The following RARB variants were observed in gnomAD, a reference collection of about 807,000 sequenced individuals.
RARB encodes HBV-activated protein.
A neutral mutation model predicts 51.9 loss-of-function variants in RARB; 17 were observed. That is an observed-to-expected ratio of 0.33 (90% CI 0.22 to 0.49). The LOEUF (loss-of-function observed/expected upper bound fraction) is 0.49. RARB is among the 20% of genes least tolerant of loss of function. The pLI, the probability that RARB is intolerant of heterozygous loss-of-function variation, is 0.99. For missense variants in RARB, 369 were observed against 550.8 expected, an observed-to-expected ratio of 0.67 and a Z score of 3.30; for synonymous variants, 215 against 195.4, an observed-to-expected ratio of 1.10 and a Z score of -0.84.
At chr3:24,830,651 G>A (rs1187745236) in intron 1 of RARB, among the ~76,000 whole-genome samples, 1 of 150,052 alleles carries the variant, frequency 6.7e-6, no homozygotes, top group Admixed American at 6.6e-5. Flanking sequence ...AGGACCAGGC[G>A]GCCAGAGTGT....
At chr3:25,216,521 T>C (rs1701835699) in intron 5 of RARB, among the ~76,000 whole-genome samples, 4 of 150,854 alleles carry the variant, frequency 2.7e-5, no homozygotes, top group African/African-American at 7.3e-5. Flanking sequence ...CACTCATAAG[T>C]AGGAGTTGAA....
At chr3:25,401,277 C>T (rs367747395) in intron 5 of RARB, among the ~76,000 whole-genome samples, 7 of 152,132 alleles carry the variant, frequency 4.6e-5, no homozygotes, top group Admixed American at 1.3e-4. Context: ...TTGATTCAAT[C>T]GAGATTATGC....
intron 5 of RARB, among the ~76,000 whole-genome samples, chr3:25,586,321 G>C (rs971888097): frequency 6.6e-6 from 1 of 152,052 alleles, no homozygotes; most frequent in Non-Finnish European, 1.5e-5. Flanking sequence ...ATAGCGTAAT[G>C]ACAGGTGCAT....
At chr3:24,972,685 A>C (rs763056237) in intron 2 of RARB, among the ~76,000 whole-genome samples, 4 of 151,978 alleles carry the variant, frequency 2.6e-5, no homozygotes, top group Non-Finnish European at 2.9e-5. Flanking sequence ...ATACCATGTT[A>C]ACTGGGGTGA....
intron 2 of RARB, among the ~76,000 whole-genome samples, chr3:25,470,106 C>G (rs900034666): frequency 5.3e-5 from 8 of 152,146 alleles, no homozygotes; most frequent in African/African-American, 1.7e-4. Context: ...TTGAGGTAAT[C>G]TCTGCAATTT....
At chr3:24,925,904 C>T (rs1027187507) in intron 2 of RARB, among the ~76,000 whole-genome samples, 1 of 151,952 alleles carries the variant, frequency 6.6e-6, no homozygotes, top group African/African-American at 2.4e-5. Context: ...TTGTATTTAC[C>T]AACGTGTAAG....
At chr3:25,549,213 G>T (rs947670610) in intron 3 of RARB, among the ~76,000 whole-genome samples, 1 of 152,068 alleles carries the variant, frequency 6.6e-6, no homozygotes, top group Non-Finnish European at 1.5e-5. Flanking sequence ...ATAGAACAAT[G>T]AAGGCTGAAG....
chr3:25,278,072 C>A (rs1219589807), intron 5 of RARB, among the ~76,000 whole-genome samples: 2 of 152,130 alleles, frequency 1.3e-5, no homozygotes, highest in African/African-American at 4.8e-5. Flanking sequence ...GTGCTCAGTT[C>A]ATGTGTATTT....
intron 5 of RARB, among the ~76,000 whole-genome samples, chr3:25,381,789 C>T (rs761026712): frequency 4.6e-5 from 7 of 152,194 alleles, no homozygotes; most frequent in Non-Finnish European, 1.0e-4. Context: ...CCCTGGTCAA[C>T]TGAATGAGAA....
chr3:25,314,555 A>G (rs1241193940), intron 5 of RARB, among the ~76,000 whole-genome samples: 1 of 152,220 alleles, frequency 6.6e-6, no homozygotes, highest in East Asian at 1.9e-4. Context: ...GCCAGGTAAA[A>G]TGGCACAATG....
At chr3:24,844,820 C>T (rs183868456) in intron 1 of RARB, among the ~76,000 whole-genome samples, 74 of 152,302 alleles carry the variant, frequency 4.9e-4, no homozygotes, top group Non-Finnish European at 8.8e-4. Context: ...CTCTCACCCT[C>T]CTCTTTCTCC....
chr3:25,370,453 T>C (rs1706263888), intron 5 of RARB, among the ~76,000 whole-genome samples: 1 of 152,100 alleles, frequency 6.6e-6, no homozygotes, highest in Non-Finnish European at 1.5e-5. Flanking sequence ...AAGTTGGGCC[T>C]TGAAAAAGGA....
chr3:25,488,065 G>A (rs1575451395), intron 2 of RARB, among the ~76,000 whole-genome samples: 1 of 152,160 alleles, frequency 6.6e-6, no homozygotes, highest in East Asian at 1.9e-4. Context: ...ACAGTATGGG[G>A]AATTGGCCCC....
chr3:25,195,688 C>T (rs1357624001), intron 5 of RARB, among the ~76,000 whole-genome samples: 1 of 151,850 alleles, frequency 6.6e-6, no homozygotes, highest in African/African-American at 2.4e-5. Context: ...TGTATTTTGC[C>T]ATTAACTTAT....
At chr3:25,487,821 G>A (rs1696544887) in intron 2 of RARB, among the ~76,000 whole-genome samples, 1 of 152,124 alleles carries the variant, frequency 6.6e-6, no homozygotes, top group Non-Finnish European at 1.5e-5. Context: ...GCTCACTAAG[G>A]CGTCATGCTC....
intron 4 of RARB, among the ~76,000 whole-genome samples, chr3:25,579,312 C>G (rs959681235): frequency 6.6e-6 from 1 of 152,182 alleles, no homozygotes; most frequent in Non-Finnish European, 1.5e-5. Context: ...TGACTCCAGT[C>G]AAGATGTAGA....
At chr3:25,412,737 G>T (rs957020361) in intron 5 of RARB, among the ~76,000 whole-genome samples, 5 of 152,154 alleles carry the variant, frequency 3.3e-5, no homozygotes, top group Non-Finnish European at 7.4e-5. Flanking sequence ...ACATGACCAT[G>T]GGCCGGGGGC....
intron 1 of RARB, among the ~76,000 whole-genome samples, chr3:25,430,747 A>C (rs1488173793): frequency 6.6e-6 from 1 of 152,236 alleles, no homozygotes; most frequent in Non-Finnish European, 1.5e-5. Flanking sequence ...CAAAGTAAAT[A>C]AAGGCATTTG....
chr3:25,192,904 T>C (rs1348689000), intron 5 of RARB, among the ~76,000 whole-genome samples: 3 of 152,054 alleles, frequency 2.0e-5, no homozygotes, highest in Admixed American at 6.6e-5. Context: ...ACAACTCTTC[T>C]AGGCTCTTAG....
Sources: gnomAD v4.1 joint callset for allele counts (sites outside exome capture counted in the v4.1 genomes callset) on GRCh38, gnomAD v4.1.1 for gene constraint, MANE v1.5 for transcripts, NCBI Gene and HGNC (gene_info 2026-07-23, HGNC 2026-07-21) for gene names.